ZFAND5: variants seen among roughly 807,000 people sequenced by gnomAD.
ZFAND5 encodes the protein zinc finger AN1-type containing 5.
In ZFAND5, 4 loss-of-function variants were observed where a neutral mutation model predicts 23.6. That is an observed-to-expected ratio of 0.17 (90% CI 0.08 to 0.39). The LOEUF (loss-of-function observed/expected upper bound fraction) is 0.39. Ranked by LOEUF, ZFAND5 falls within the 10% of genes least tolerant of loss-of-function variation. The probability of loss-of-function intolerance (pLI) is 1.00; values close to 1 mark genes in which losing one functional copy is unlikely to be tolerated. For synonymous variants in ZFAND5, 68 were observed against 80.6 expected, an observed-to-expected ratio of 0.84 and a Z score of 0.84; for missense variants, 161 against 253.7, an observed-to-expected ratio of 0.63 and a Z score of 2.48.
At position 72,355,284 on chromosome 9, in the gene ZFAND5, C is replaced by T. The variant is rs1302602624; in HGVS notation, c.*669G>A. On this transcript the variant is annotated 3_prime_UTR_variant, in exon 7 of 7. Coordinates refer to ENST00000376962, the MANE Select transcript of ZFAND5 (RefSeq NM_001102420.3). ...TTCTGGTGCAGGCCAGTACAATAAG[C>T]TTCAAAGGTTATCTCAAGACCCTGT... The T allele has an allele frequency of 3.3e-5, 5 of 152,624 alleles. No individual in the cohort carries two copies. The highest frequency in any genetic ancestry group is 1.2e-4 in the African/African-American group (5 of 41,444). The allele number at this position is 152,624 out of a possible 1,614,324, so 9.5% of individuals were successfully genotyped here.
Position 72,356,042 on chromosome 9 carries a change from T to C in ZFAND5, c.553A>G (p.Asn185Asp). 6.2e-7 allele frequency: 1 copy of C among 1,613,908 alleles called. No homozygotes were observed. Among genetic ancestry groups the C allele is most frequent in the Non-Finnish European group, 8.5e-7 (1 of 1,179,862 alleles). Residue 185 changes from asparagine (N) to aspartate (D), a missense_variant, in exon 7 of 7, where the codon AAC becomes GAC. Physicochemically the swap from Asn to Asp is conservative, Grantham distance 23. Transcript: ENST00000376962. ...CGLHRYSDKHNCPYDYKAEAA... is the reference protein window; with the variant it reads ...CGLHRYSDKHDCPYDYKAEAA... ...TCTGCTTTGTAATCATACGGACAGT[T>C]GTGCTTGTCAGAGTAACGGTGAAGT...
At chr9:72,358,996 A>G (rs933235656) in intron 5 of ZFAND5, among the ~76,000 whole-genome samples, 1 of 152,098 alleles carries the variant, frequency 6.6e-6, no homozygotes, top group East Asian at 1.9e-4. Flanking sequence ...TATGATAGGA[A>G]TATTGTACTT....
At chr9:72,361,974 A>C (rs1389698847) in intron 2 of ZFAND5, among the ~76,000 whole-genome samples, 1 of 152,240 alleles carries the variant, frequency 6.6e-6, no homozygotes, top group Non-Finnish European at 1.5e-5. Context: ...TGTTTTAACA[A>C]GTATTAACTA....
chr9:72,355,014 G>T lies in ZFAND5; in HGVS notation c.*939C>A, dbSNP rs963657187. ...ATGATTTTCCATGCAGAAGGGTACA[G>T]TTACATTAAGAACTGAAGTCTTTTA... On this transcript the variant is annotated 3_prime_UTR_variant, in exon 7 of 7. Transcript: ENST00000376962. 6.6e-6 allele frequency: 1 copy of T among 152,630 alleles called. No homozygotes were observed. The highest frequency in any genetic ancestry group is 6.5e-5 in the Admixed American group (1 of 15,286). The allele number at this position is 152,630 out of a possible 1,614,324, so 9.5% of individuals were successfully genotyped here. A position where few individuals can be genotyped will look rare whatever the true frequency, so the allele number is the denominator to read the frequency against.
chr9:72,356,848 A>C, intron 6 of ZFAND5, 83 bp downstream of exon 6: 2 of 1,443,900 alleles, frequency 1.4e-6, no homozygotes, highest in Non-Finnish European at 1.8e-6. Flanking sequence ...TATGTGTAAG[A>C]CCAACTAGTC....
Position 72,363,582 on chromosome 9 carries a change from A to C in ZFAND5, c.-122T>G. 1 of 966,642 alleles carries C rather than the reference A, an allele frequency of 1.0e-6. No homozygotes were observed. The highest frequency in any genetic ancestry group is 1.2e-6 in the Non-Finnish European group (1 of 812,712). 59.9% of individuals were successfully genotyped at this position (966,642 alleles called of 1,614,324 possible). A position where few individuals can be genotyped will look rare whatever the true frequency, so the allele number is the denominator to read the frequency against. On this transcript the variant is annotated 5_prime_UTR_variant, in exon 2 of 7. Coordinates refer to ENST00000376962, the MANE Select transcript of ZFAND5 (RefSeq NM_001102420.3). ...CTCTTTGCCAAATGGAGTAGAATTG[A>C]CTTTTAAAGGCTCCTTTTCAGGGCC...
rs985923996 is a variant in ZFAND5, at chr9:72,364,954, G to T, written c.-405C>A. ...GAAGCGAGGGGGGGCCGAGGAGGAG[G>T]TGGAGGGAGGACCGGCGGCCGCAGC... On this transcript the variant is annotated 5_prime_UTR_variant, in exon 1 of 7. Coordinates refer to ENST00000376962, the MANE Select transcript of ZFAND5 (RefSeq NM_001102420.3). 3.9e-5 allele frequency: 6 copies of T among 153,046 alleles called. No homozygotes were observed. The highest frequency in any genetic ancestry group is 9.6e-5 in the African/African-American group (4 of 41,552). 9.5% of individuals were successfully genotyped at this position (153,046 alleles called of 1,614,324 possible).
At chr9:72,362,505 T>G (rs1240125488) in intron 2 of ZFAND5, among the ~76,000 whole-genome samples, 1 of 141,110 alleles carries the variant, frequency 7.1e-6, no homozygotes, top group African/African-American at 2.7e-5. Flanking sequence ...GCGATCAACC[T>G]ACCTAAGTAA....
intron 2 of ZFAND5, among the ~76,000 whole-genome samples, chr9:72,361,211 C>A (rs547682617): frequency 2.0e-5 from 3 of 152,286 alleles, no homozygotes; most frequent in Admixed American, 6.5e-5. Context: ...ATAGGTAGTT[C>A]TTTAAACTGG....
chr9:72,357,851 C>A (rs1841989029), intron 5 of ZFAND5, among the ~76,000 whole-genome samples: 1 of 152,108 alleles, frequency 6.6e-6, no homozygotes, highest in African/African-American at 2.4e-5. Context: ...TCAGTGTACA[C>A]ATGGCATCAA....
rs1163947528 is a variant in ZFAND5, at chr9:72,353,708, G to C, written c.*2245C>G. 2 of 150,368 alleles carry C rather than the reference G, an allele frequency of 1.3e-5. No individual in the cohort carries two copies. Among genetic ancestry groups the C allele is most frequent in the East Asian group, 4.0e-4 (2 of 5,024 alleles). The allele number at this position is 150,368 out of a possible 1,614,324, so 9.3% of individuals were successfully genotyped here. On this transcript the variant is annotated 3_prime_UTR_variant, in exon 7 of 7. Transcript: ENST00000376962. ...GACCTTCAGAGTGATGGAGTCCGAG[G>C]GCTCATCTTACCTTCTCTATACCAC... is the stretch of plus-strand genomic sequence containing the variant.
chr9:72,357,853 T>C (rs948062234), intron 5 of ZFAND5, among the ~76,000 whole-genome samples: 13 of 152,120 alleles, frequency 8.5e-5, no homozygotes, highest in African/African-American at 2.9e-4. Context: ...AGTGTACACA[T>C]GGCATCAATA....
At chr9:72,363,698 A>T (rs1271836525) in intron 1 of ZFAND5, 92 bp from the exon 2 acceptor site, 2 of 957,212 alleles carry the variant, frequency 2.1e-6, no homozygotes, top group Non-Finnish European at 2.5e-6. Context: ...TTCAAAGATA[A>T]AATTGCAGTA....
At chr9:72,357,265 G>C (rs1401108730) in intron 5 of ZFAND5, among the ~76,000 whole-genome samples, 1 of 152,044 alleles carries the variant, frequency 6.6e-6, no homozygotes, top group African/African-American at 2.4e-5. Flanking sequence ...CATACTACTT[G>C]CTTCTCTAAT....
In ZFAND5 at chr9:72,352,297, A is replaced by C. The variant is rs528347014; in HGVS notation, c.*3656T>G. On this transcript the variant is annotated 3_prime_UTR_variant, in exon 7 of 7. Coordinates refer to ENST00000376962, the MANE Select transcript of ZFAND5 (RefSeq NM_001102420.3). Reference sequence around the variant, plus strand: ...CATTTTACTCCAGCCTGGGCGACGGAGCCTCTGTCTCAAACAAACAAAACA... The same window carrying C: ...CATTTTACTCCAGCCTGGGCGACGGCGCCTCTGTCTCAAACAAACAAAACA... The C allele has an allele frequency of 5.3e-5, 8 of 152,336 alleles. No individual in the cohort carries two copies. The highest frequency in any genetic ancestry group is 2.0e-4 in the Admixed American group (3 of 15,292). The allele number at this position is 152,336 out of a possible 1,614,324, so 9.4% of individuals were successfully genotyped here.
At chr9:72,360,817 G>C (rs369602168) in intron 2 of ZFAND5, 30 bp from the exon 3 acceptor site, 4 of 1,565,294 alleles carry the variant, frequency 2.6e-6, no homozygotes, top group East Asian at 4.5e-5. Flanking sequence ...TCAGAAATTA[G>C]TGTTATCACC....
intron 2 of ZFAND5, among the ~76,000 whole-genome samples, chr9:72,361,291 G>C (rs1213874405): frequency 6.6e-6 from 1 of 152,298 alleles, no homozygotes; most frequent in East Asian, 1.9e-4. Context: ...ATCTGCTGAG[G>C]CAGAGCATCT....
At position 72,355,230 on chromosome 9, in the gene ZFAND5, C is replaced by T. The variant is rs1445744216; in HGVS notation, c.*723G>A. ...AATCCTAGTGCAGTTCTGTGCTACACATTTTTAGCAATGAGTAATGCAGAC... is the reference window on the plus strand; with the variant it reads ...AATCCTAGTGCAGTTCTGTGCTACATATTTTTAGCAATGAGTAATGCAGAC... On this transcript the variant is annotated 3_prime_UTR_variant, in exon 7 of 7. Transcript: ENST00000376962. The T allele has an allele frequency of 6.6e-6, 1 of 152,650 alleles. No individual in the cohort carries two copies. The highest frequency in any genetic ancestry group is 1.5e-5 in the Non-Finnish European group (1 of 68,036). The allele number at this position is 152,650 out of a possible 1,614,324, so 9.5% of individuals were successfully genotyped here. A position where few individuals can be genotyped will look rare whatever the true frequency, so the allele number is the denominator to read the frequency against.
In ZFAND5 at chr9:72,352,927, C is replaced by T. The variant is rs1841815277; in HGVS notation, c.*3026G>A. On this transcript the variant is annotated 3_prime_UTR_variant, in exon 7 of 7. Transcript: ENST00000376962. ...ATCACGGGCTGGTTCCAGGGTCCCTCATCTTAATCACTATGCCATAATGCT... is the reference window on the plus strand; with the variant it reads ...ATCACGGGCTGGTTCCAGGGTCCCTTATCTTAATCACTATGCCATAATGCT... The T allele has an allele frequency of 2.6e-5, 4 of 152,346 alleles. No homozygotes were observed. The South Asian group carries it at 8.3e-4, about 32-fold the overall frequency. The allele number at this position is 152,346 out of a possible 1,614,324, so 9.4% of individuals were successfully genotyped here.
Sources: allele counts gnomAD v4.1 joint callset (sites outside exome capture counted in the v4.1 genomes callset), GRCh38; gene constraint gnomAD v4.1.1; transcripts MANE v1.5; gene names NCBI Gene and HGNC (gene_info 2026-07-23, HGNC 2026-07-21).